NLRP9: variants seen among roughly 807,000 people sequenced by gnomAD.
NLRP9 encodes the protein NLR family pyrin domain containing 9, also known as NACHT, LRR and PYD domains-containing protein 9.
NLRP9 carries 88 observed loss-of-function variants against 83.1 expected under a neutral mutation model. The ratio of observed to expected loss-of-function variants is 1.06; its 90% CI spans 0.89 to 1.26. The LOEUF is 1.26. Among genes scored for constraint, NLRP9 ranks in the 50% most tolerant of loss-of-function variants. NLRP9 has a pLI of 0.00. For missense variants in NLRP9, 1,308 were observed against 1,179.3 expected, an observed-to-expected ratio of 1.11 and a Z score of -1.60; for synonymous variants, 521 against 447.6, an observed-to-expected ratio of 1.16 and a Z score of -2.07.
At position 55,738,075 on chromosome 19, in the gene NLRP9, C is replaced by T. The variant is rs116837655; in HGVS notation, c.280+20G>A. 6.8e-6 allele frequency: 11 copies of T among 1,612,192 alleles called. No individual in the cohort carries two copies. The African/African-American group carries it at 1.5e-4, about 22-fold the overall frequency. Reference sequence around the variant, plus strand: ...CCCAGGCTTCCCCCATGGGTCCTCGCCCCATCATCCAGCACTTACTTCTCA... The same window carrying T: ...CCCAGGCTTCCCCCATGGGTCCTCGTCCCATCATCCAGCACTTACTTCTCA... On this transcript the variant is annotated intron_variant, in intron 1 of 8. Transcript: ENST00000332836.
intron 7 of NLRP9, among the ~76,000 whole-genome samples, chr19:55,712,214 G>C (rs1426564424): frequency 6.6e-6 from 1 of 152,140 alleles, no homozygotes; most frequent in African/African-American, 2.4e-5. Flanking sequence ...ATCATGCACA[G>C]GATGGCCCCC....
chr19:55,712,635 A>G (rs768485728), intron 6 of NLRP9, 45 bp from the exon 7 acceptor site: 4 of 1,507,782 alleles, frequency 2.7e-6, no homozygotes, highest in East Asian at 2.3e-5. Context: ...TATGAGGTCA[A>G]TCATAACAGC....
At chr19:55,714,797 G>A (rs187433292) in intron 6 of NLRP9, among the ~76,000 whole-genome samples, 253 of 152,214 alleles carry the variant, frequency 1.7e-3, no homozygotes, top group Non-Finnish European at 2.4e-3. Context: ...TTCTCACGGC[G>A]TCCACAGATG....
chr19:55,713,382 C>T (rs893235259), intron 6 of NLRP9, among the ~76,000 whole-genome samples: 1 of 151,750 alleles, frequency 6.6e-6, no homozygotes, highest in Non-Finnish European at 1.5e-5. Flanking sequence ...CATATAGATA[C>T]ATGATACACA....
At chr19:55,712,339 C>A in intron 7 of NLRP9, 81 bp downstream of exon 7, 1 of 1,233,004 alleles carries the variant, frequency 8.1e-7, no homozygotes, top group Non-Finnish European at 1.2e-6. Flanking sequence ...ACCTGCCTCC[C>A]TTCCATTCTA....
In NLRP9 at chr19:55,732,466, C is replaced by T; in HGVS notation, c.1365G>A (p.Met455Ile). Residue 455 changes from methionine to isoleucine, a missense_variant, in exon 2 of 9, where the codon ATG (methionine) becomes ATA (isoleucine). Physicochemically the swap from Met to Ile is conservative, Grantham distance 10 (BLOSUM62 1). Transcript: ENST00000332836. ...CTTTGGGTCGTTTGAGCAAATAAAA[C>T]ATGGCGGCACAAAACTCTTGGATAC... ...HLCIQEFCAAMFYLLKRPKDD... is the reference protein window; with the variant it reads ...HLCIQEFCAAIFYLLKRPKDD... The T allele has an allele frequency of 6.2e-7, 1 of 1,614,184 alleles. No individual in the cohort carries two copies. Among genetic ancestry groups the T allele is most frequent in the Non-Finnish European group, 8.5e-7 (1 of 1,180,026 alleles).
At chr19:55,709,089 A>C (rs778652280) in intron 8 of NLRP9, 45 bp from the exon 9 acceptor site, 6 of 1,450,930 alleles carry the variant, frequency 4.1e-6, no homozygotes. Context: ...TTTCATTTTT[A>C]CACAGTATTG....
At chr19:55,729,568 T>A (rs1275422230) in intron 3 of NLRP9, among the ~76,000 whole-genome samples, 2 of 152,062 alleles carry the variant, frequency 1.3e-5, no homozygotes, top group African/African-American at 4.8e-5. Flanking sequence ...CATGAACTCA[T>A]GCTTTTTTAT....
chr19:55,732,820 G>C lies in NLRP9; in HGVS notation c.1011C>G (p.Pro337=). 2 of 1,614,164 alleles carry C rather than the reference G, an allele frequency of 1.2e-6. No homozygotes were observed. The highest frequency in any genetic ancestry group is 1.7e-6 in the Non-Finnish European group (2 of 1,180,032). ...NGPLFILCHN[P]FTCWLVCTCV... ...AAGTACAGACCAACCAGCACGTAAAGGGATTATGGCACAAGATAAACAGCG... is the reference window on the plus strand; with the variant it reads ...AAGTACAGACCAACCAGCACGTAAACGGATTATGGCACAAGATAAACAGCG... The change falls in exon 2 of 9, where the codon CCC becomes CCG. Residue 337 remains proline (P), a synonymous_variant. Transcript: ENST00000332836.
chr19:55,733,116 G>A lies in NLRP9; in HGVS notation c.715C>T (p.Leu239Phe), dbSNP rs748800513. 5.6e-6 allele frequency: 9 copies of A among 1,614,032 alleles called. No individual in the cohort carries two copies. The highest frequency in any genetic ancestry group is 7.6e-6 in the Non-Finnish European group (9 of 1,180,020). The change falls in exon 2 of 9, where the codon CTT (leucine) becomes TTT (phenylalanine). Residue 239 changes from leucine (L) to phenylalanine (F), a missense_variant. Leu to Phe is a conservative substitution (Grantham distance 22). Transcript: ENST00000332836. Reference protein sequence around the residue: ...GFEQLKFNLQLKADLSDDWRQ... With the variant: ...GFEQLKFNLQFKADLSDDWRQ... ...CAATCATCGCTCAAGTCAGCCTTAA[G>A]TTGTAAGTTAAACTTCAGTTGCTCA... is the stretch of plus-strand genomic sequence containing the variant.
chr19:55,729,672 T>C (rs191196760), intron 3 of NLRP9, among the ~76,000 whole-genome samples, 159 bp downstream of exon 3: 38 of 152,290 alleles, frequency 2.5e-4, no homozygotes, highest in Admixed American at 1.8e-3. Flanking sequence ...TCTTTGCTAT[T>C]GTGAATAGTG....
intron 4 of NLRP9, 67 bp from the exon 5 acceptor site, chr19:55,716,965 G>A (rs1380098246): frequency 3.3e-6 from 4 of 1,226,918 alleles, no homozygotes; most frequent in Non-Finnish European, 3.5e-6. Context: ...ATTATCCACA[G>A]ACCAAACGAC....
At chr19:55,726,802 T>A (rs532971346) in intron 3 of NLRP9, among the ~76,000 whole-genome samples, 1 of 152,178 alleles carries the variant, frequency 6.6e-6, no homozygotes, top group East Asian at 1.9e-4. Context: ...GGCTTCTGAT[T>A]CTCCATCGTC....
chr19:55,729,895 C>G lies in NLRP9; in HGVS notation c.1930G>C (p.Asp644His). The part of the protein sequence containing the change: ...ILDMENTSLD[D>H]PSLAILCKAL... ...TTGCAAAGAATCGCCAGGGAGGGAT[C>G]ATCGAGGCTGGTATTTTCCATGTCT... The change falls in exon 3 of 9, where the codon GAT becomes CAT. Residue 644 changes from aspartate to histidine, a missense_variant. By Grantham distance (81) the Asp-to-His change is moderately conservative (BLOSUM62 -1). Transcript: ENST00000332836. The G allele has an allele frequency of 1.2e-6, 2 of 1,613,750 alleles. No individual in the cohort carries two copies. Among genetic ancestry groups the G allele is most frequent in the Non-Finnish European group, 1.7e-6 (2 of 1,179,714 alleles).
chr19:55,711,829 G>T lies in NLRP9; in HGVS notation c.2814C>A (p.Ser938Arg), dbSNP rs1463349343. 12 of 1,613,208 alleles carry T rather than the reference G, an allele frequency of 7.4e-6. No homozygotes were observed. The highest frequency in any genetic ancestry group is 1.3e-5 in the African/African-American group (1 of 74,924). The change falls in exon 8 of 9, where the codon AGC (serine) becomes AGA (arginine). Residue 938 changes from serine to arginine, a missense_variant. Physicochemically the swap from Ser to Arg is moderately radical, Grantham distance 110. Coordinates refer to ENST00000332836, the MANE Select transcript of NLRP9 (RefSeq NM_176820.4). ...DAVVVLCEAL[S>R]HPDCALQMLG... ...GCATCTGCAGGGCACAGTCCGGGTGGCTCAATGCCTCACACAGCACCACCA... is the reference window on the plus strand; with the variant it reads ...GCATCTGCAGGGCACAGTCCGGGTGTCTCAATGCCTCACACAGCACCACCA...
At chr19:55,723,563 C>A (rs1212466034) in intron 4 of NLRP9, among the ~76,000 whole-genome samples, 1 of 151,650 alleles carries the variant, frequency 6.6e-6, no homozygotes, top group Admixed American at 6.6e-5. Flanking sequence ...CCCATCTCTA[C>A]AAAAAATTAC....
intron 1 of NLRP9, among the ~76,000 whole-genome samples, chr19:55,737,843 C>T (rs888454307): frequency 6.6e-6 from 1 of 150,998 alleles, no homozygotes; most frequent in Non-Finnish European, 1.5e-5. Context: ...CCTATAACAA[C>T]GACTCCACTT....
At chr19:55,720,277 T>A (rs899120389) in intron 4 of NLRP9, among the ~76,000 whole-genome samples, 4 of 152,188 alleles carry the variant, frequency 2.6e-5, no homozygotes, top group African/African-American at 9.7e-5. Flanking sequence ...AATAAGACTT[T>A]GAGAGAAAAA....
chr19:55,735,521 CTG>C (rs1988761966), intron 1 of NLRP9, among the ~76,000 whole-genome samples: 1 of 152,138 alleles, frequency 6.6e-6, no homozygotes, highest in South Asian at 2.1e-4. Flanking sequence ...ATAGCTTGAT[CTG>C]TGTCTGTATT....
Sources: allele counts gnomAD v4.1 joint callset (sites outside exome capture counted in the v4.1 genomes callset), GRCh38; gene constraint gnomAD v4.1.1; transcripts MANE v1.5; gene names NCBI Gene and HGNC (gene_info 2026-07-23, HGNC 2026-07-21).